The following RYR2 variants were observed in gnomAD, a reference collection of about 807,000 sequenced individuals.
RYR2 encodes ryanodine receptor 2, also known as cardiac muscle ryanodine receptor-calcium release channel.
Under a neutral mutation model 601.1 loss-of-function variants are expected in RYR2, and 227 were observed. The observed-to-expected ratio is 0.38, with a 90% CI of 0.34 to 0.42. RYR2 has a LOEUF of 0.42. Ranked by LOEUF, RYR2 falls within the 10% of genes least tolerant of loss-of-function variation. RYR2 has a pLI of 1.00. For synonymous variants in RYR2, 2,223 were observed against 2,175.1 expected (o/e 1.02, Z -0.61); for missense variants, 4,646 against 6,156.5 (o/e 0.75, Z 8.21).
At chr1:237,195,172 TAAAATACAG>T (rs1680413540) in intron 1 of RYR2, among the ~76,000 whole-genome samples, 3 of 152,306 alleles carry the variant, frequency 2.0e-5, no homozygotes, top group South Asian at 2.1e-4. Context: ...TTATAAAATG[TAAAATACAG>T]AAAATACAGA....
intron 70 of RYR2, among the ~76,000 whole-genome samples, chr1:237,710,529 T>G (rs989747333): frequency 6.6e-6 from 1 of 152,038 alleles, no homozygotes; most frequent in African/African-American, 2.4e-5. Flanking sequence ...ACATAATCAC[T>G]CAGAAAGGAT....
At chr1:237,743,190 G>A (rs1185460256) in intron 80 of RYR2, among the ~76,000 whole-genome samples, 1 of 152,022 alleles carries the variant, frequency 6.6e-6, no homozygotes, top group East Asian at 1.9e-4. Flanking sequence ...AAATATATCA[G>A]TAGCCAGCAA....
chr1:237,344,564 A>G (rs993407066), intron 3 of RYR2, among the ~76,000 whole-genome samples: 2 of 152,172 alleles, frequency 1.3e-5, no homozygotes, highest in African/African-American at 4.8e-5. Flanking sequence ...GCAAATGTCC[A>G]AGGAGTTGTC....
intron 1 of RYR2, among the ~76,000 whole-genome samples, chr1:237,199,849 GTTT>G (rs1393005462): frequency 1.3e-5 from 2 of 152,076 alleles, no homozygotes. Context: ...GAATATTAAT[GTTT>G]TCTACTAAAA....
At chr1:237,800,038 A>T (rs969689808) in intron 97 of RYR2, 13 of 152,214 alleles carry the variant, frequency 8.5e-5, no homozygotes, top group African/African-American at 3.1e-4. Flanking sequence ...AGGTGGGGTC[A>T]GCCTCACCGA....
intron 2 of RYR2, among the ~76,000 whole-genome samples, chr1:237,295,194 A>G (rs900870952): frequency 1.3e-5 from 2 of 152,096 alleles, no homozygotes; most frequent in Admixed American, 6.6e-5. Flanking sequence ...ACTGCACTTC[A>G]GCCTGGGTGA....
intron 28 of RYR2, among the ~76,000 whole-genome samples, chr1:237,568,271 A>G (rs1194853056): frequency 2.6e-5 from 4 of 152,176 alleles, no homozygotes; most frequent in Admixed American, 1.3e-4. Flanking sequence ...ACAGTGTGTT[A>G]TATTAAGAAG....
chr1:237,329,632 A>T (rs1293417475), intron 2 of RYR2, among the ~76,000 whole-genome samples: 9 of 150,174 alleles, frequency 6.0e-5, no homozygotes, highest in Non-Finnish European at 1.0e-4. Context: ...ACACAGTGAG[A>T]CTCCGTCTCA....
At chr1:237,478,450 C>T (rs922795442) in intron 17 of RYR2, among the ~76,000 whole-genome samples, 5 of 152,168 alleles carry the variant, frequency 3.3e-5, no homozygotes, top group East Asian at 1.9e-4. Context: ...TACCACAGTA[C>T]GCACCTAGCA....
intron 79 of RYR2, among the ~76,000 whole-genome samples, chr1:237,742,028 G>A (rs760218728): frequency 2.6e-5 from 4 of 152,230 alleles, no homozygotes; most frequent in Non-Finnish European, 4.4e-5. Context: ...AATAAGTAGC[G>A]GGTATAGTAT....
In RYR2 at chr1:237,493,038, C is replaced by T; in HGVS notation, c.1912C>T (p.Pro638Ser). The T allele has an allele frequency of 6.2e-7, 1 of 1,613,166 alleles. No homozygotes were observed. The highest frequency in any genetic ancestry group is 8.5e-7 in the Non-Finnish European group (1 of 1,179,594). The stretch of plus-strand genomic sequence containing the variant: ...GCATCTCATCTGTGACAATCTCCTA[C>T]CAGGAAGAGACTTGTTATTGCAGAC... ...NQHLICDNLL[P>S]GRDLLLQTRL... The change falls in exon 19 of 105, where the codon CCA (proline) becomes TCA (serine). Residue 638 changes from proline to serine, a missense_variant. Physicochemically the swap from Pro to Ser is moderately conservative, Grantham distance 74. This residue lies in a region of RYR2 where 1,807 missense variants were observed against 2,088.1 expected (regional missense o/e 0.87). Transcript: ENST00000366574.
intron 98 of RYR2, among the ~76,000 whole-genome samples, chr1:237,804,532 T>C (rs1181386600): frequency 1.3e-5 from 2 of 152,102 alleles, no homozygotes; most frequent in Non-Finnish European, 2.9e-5. Context: ...GCAGAGACTG[T>C]AGTCCCATAA....
chr1:237,666,461 C>A, intron 56 of RYR2, 51 bp from the exon 57 acceptor site: 1 of 1,490,178 alleles, frequency 6.7e-7, no homozygotes, highest in Non-Finnish European at 9.2e-7. Flanking sequence ...AGTTAAGTCT[C>A]TCTTCACAAG....
chr1:237,063,455 G>A (rs148469035), intron 1 of RYR2, among the ~76,000 whole-genome samples: 13 of 151,478 alleles, frequency 8.6e-5, no homozygotes, highest in Middle Eastern at 3.4e-3. Flanking sequence ...TTATAATATC[G>A]TTAATTTATT....
At chr1:237,341,364 G>T (rs1697756363) in intron 3 of RYR2, among the ~76,000 whole-genome samples, 1 of 152,088 alleles carries the variant, frequency 6.6e-6, no homozygotes, top group Non-Finnish European at 1.5e-5. Flanking sequence ...TCTTTTTTGA[G>T]ATAGAGTCTC....
chr1:237,806,531 C>T (rs772306523), intron 99 of RYR2, among the ~76,000 whole-genome samples: 5 of 151,896 alleles, frequency 3.3e-5, no homozygotes, highest in East Asian at 1.9e-4. Context: ...CAGATTTTTG[C>T]GAAAATGAAA....
chr1:237,411,279 A>G (rs928214003), intron 10 of RYR2, among the ~76,000 whole-genome samples: 1 of 152,178 alleles, frequency 6.6e-6, no homozygotes, highest in Non-Finnish European at 1.5e-5. Context: ...TAATGTGTTT[A>G]TTATTTTTTT....
At chr1:237,298,163 C>T (rs2149444401) in intron 2 of RYR2, among the ~76,000 whole-genome samples, 1 of 152,270 alleles carries the variant, frequency 6.6e-6, no homozygotes, top group South Asian at 2.1e-4. Flanking sequence ...TATTCTTTGT[C>T]ATCGTCACTC....
chr1:237,476,619 G>A (rs190210112), intron 17 of RYR2, among the ~76,000 whole-genome samples: 20 of 151,786 alleles, frequency 1.3e-4, no homozygotes, highest in African/African-American at 3.6e-4. Flanking sequence ...CTGTAAATAG[G>A]ATGGTTTAAG....
Sources: allele counts gnomAD v4.1 joint callset (sites outside exome capture counted in the v4.1 genomes callset), GRCh38; gene constraint gnomAD v4.1.1; regional missense constraint gnomAD v4.1.1; transcripts MANE v1.5; gene names NCBI Gene and HGNC (gene_info 2026-07-23, HGNC 2026-07-21).